The following RNF220 variants were observed in gnomAD, a reference collection of about 807,000 sequenced individuals.
RNF220 encodes the protein ring finger protein 220.
Under a neutral mutation model 67.1 loss-of-function variants are expected in RNF220, and 7 were observed. The observed-to-expected ratio is 0.10, with a 90% confidence interval of 0.06 to 0.20. The LOEUF (loss-of-function observed/expected upper bound fraction) is 0.20, where lower values mean the gene tolerates loss of function less well. RNF220 is among the 10% of genes least tolerant of loss of function. The pLI is 1.00. For synonymous variants in RNF220, 270 were observed against 283.2 expected (o/e 0.95, Z 0.47); for missense variants, 565 against 740.3 (o/e 0.76, Z 2.75).
chr1:44,557,779 A>G (rs2148279655), intron 2 of RNF220, among the ~76,000 whole-genome samples: 1 of 152,206 alleles, frequency 6.6e-6, no homozygotes, highest in East Asian at 1.9e-4. Context: ...CTTTGCCTAC[A>G]GTTTCAGGAT....
intron 2 of RNF220, among the ~76,000 whole-genome samples, chr1:44,536,008 G>C (rs186441686): frequency 2.6e-5 from 4 of 152,186 alleles, no homozygotes; most frequent in Non-Finnish European, 4.4e-5. Flanking sequence ...ATCCCAACTC[G>C]CTATTAAGCA....
At chr1:44,433,155 C>A (rs1650590469) in intron 2 of RNF220, among the ~76,000 whole-genome samples, 1 of 152,112 alleles carries the variant, frequency 6.6e-6, no homozygotes, top group Non-Finnish European at 1.5e-5. Context: ...GTCTCGAACT[C>A]TTGACCTCAA....
rs1664101357 is a variant in RNF220, at chr1:44,567,368, G to A, written c.626-46797G>A. Among the ~76,000 whole-genome samples, 2 of 152,218 alleles carry A rather than the reference G, an allele frequency of 1.3e-5. 1 individual carries two copies. Among genetic ancestry groups the A allele is most frequent in the South Asian group, 4.2e-4 (2 of 4,816 alleles). ...GAGATTCCCAGCTGTGTATGATCCT[G>A]GGACAGGGACAAGAGTTGGCCACAT... On this transcript the variant is annotated intron_variant, in intron 2 of 14. Transcript: ENST00000361799.
chr1:44,483,125 C>A (rs559550668), intron 2 of RNF220, among the ~76,000 whole-genome samples: 1 of 151,814 alleles, frequency 6.6e-6, no homozygotes, highest in Non-Finnish European at 1.5e-5. Flanking sequence ...GAGACAGGGT[C>A]TTGCTTTGTT....
At chr1:44,619,665 T>A (rs1292938020) in intron 3 of RNF220, among the ~76,000 whole-genome samples, 1 of 151,960 alleles carries the variant, frequency 6.6e-6, no homozygotes, top group South Asian at 2.1e-4. Flanking sequence ...AGGCAGCGAG[T>A]GACTGAGCAA....
intron 2 of RNF220, among the ~76,000 whole-genome samples, chr1:44,536,645 G>A (rs1324948407): frequency 6.6e-6 from 1 of 152,194 alleles, no homozygotes; most frequent in Non-Finnish European, 1.5e-5. Context: ...GCATCAGTAA[G>A]TGCTACTTAA....
chr1:44,541,861 C>A (rs1661700060), intron 2 of RNF220, among the ~76,000 whole-genome samples: 1 of 152,196 alleles, frequency 6.6e-6, no homozygotes, highest in Admixed American at 6.5e-5. Flanking sequence ...TCCCATATGT[C>A]TCCTGGATAT....
intron 2 of RNF220, among the ~76,000 whole-genome samples, chr1:44,589,483 G>A (rs191567951): frequency 1.3e-5 from 2 of 152,170 alleles, no homozygotes; most frequent in Admixed American, 1.3e-4. Context: ...GCGTGGTGAC[G>A]GGCGCCTGTA....
At chr1:44,568,465 C>A (rs1238448838) in intron 2 of RNF220, among the ~76,000 whole-genome samples, 2 of 152,260 alleles carry the variant, frequency 1.3e-5, no homozygotes, top group Non-Finnish European at 2.9e-5. Context: ...ACCCCCATCC[C>A]TAGCACAGTG....
At chr1:44,626,607 G>A (rs937642274) in intron 5 of RNF220, 2 of 579,956 alleles carry the variant, frequency 3.4e-6, no homozygotes, top group African/African-American at 1.9e-5. Flanking sequence ...TTTAGGGAGA[G>A]ATGCCAAGGT....
intron 2 of RNF220, among the ~76,000 whole-genome samples, chr1:44,524,389 G>A (rs1660194468): frequency 6.6e-6 from 1 of 152,058 alleles, no homozygotes; most frequent in Admixed American, 6.5e-5. Context: ...GCTGTTGGGG[G>A]CAGAGAGTGA....
intron 2 of RNF220, among the ~76,000 whole-genome samples, chr1:44,503,360 C>T (rs1024029916): frequency 2.2e-5 from 3 of 133,610 alleles, no homozygotes; most frequent in Admixed American, 7.7e-5. Context: ...AAAAAAGAAG[C>T]GTTTACCAAG....
At chr1:44,635,794 A>AG in intron 7 of RNF220, 1 of 1,336,600 alleles carries the variant, frequency 7.5e-7, no homozygotes, top group Non-Finnish European at 1.0e-6. Flanking sequence ...CCTTCTGACC[A>AG]CTGCTCTCTC....
At chr1:44,542,328 G>C (rs1661736700) in intron 2 of RNF220, among the ~76,000 whole-genome samples, 1 of 152,186 alleles carries the variant, frequency 6.6e-6, no homozygotes, top group Non-Finnish European at 1.5e-5. Flanking sequence ...TGAGTCCAAG[G>C]CTGTGGCCTC....
At chr1:44,437,183 C>T (rs980128799) in intron 2 of RNF220, among the ~76,000 whole-genome samples, 1 of 152,138 alleles carries the variant, frequency 6.6e-6, no homozygotes, top group Non-Finnish European at 1.5e-5. Context: ...CCAACCAATG[C>T]GGTAGACTTT....
chr1:44,414,889 G>A (rs1648364830), intron 2 of RNF220, among the ~76,000 whole-genome samples: 1 of 150,880 alleles, frequency 6.6e-6, no homozygotes, highest in Non-Finnish European at 1.5e-5. Context: ...TCTGTGAGGG[G>A]AGGGTGTTCG....
intron 2 of RNF220, among the ~76,000 whole-genome samples, chr1:44,447,532 G>A (rs528420719): frequency 6.6e-6 from 1 of 152,274 alleles, no homozygotes; most frequent in South Asian, 2.1e-4. Flanking sequence ...TTTGTTCAGA[G>A]CAAAGGATGT....
At chr1:44,405,000 T>C (rs1476134739), upstream of RNF220, among the ~76,000 whole-genome samples, 2 of 152,112 alleles carry the variant, frequency 1.3e-5, no homozygotes, top group South Asian at 4.2e-4. Flanking sequence ...GGAGGAGGGA[T>C]GTAAACAAAA....
chr1:44,575,947 G>C (rs1012498802), intron 2 of RNF220, among the ~76,000 whole-genome samples: 28 of 152,296 alleles, frequency 1.8e-4, no homozygotes, highest in South Asian at 1.0e-3. Context: ...TCCATAATGG[G>C]CCCTGGGACC....
Sources: allele counts gnomAD v4.1 joint callset (sites outside exome capture counted in the v4.1 genomes callset), GRCh38; gene constraint gnomAD v4.1.1; transcripts MANE v1.5; gene names NCBI Gene and HGNC (gene_info 2026-07-23, HGNC 2026-07-21).